The following WDFY1 variants were observed in gnomAD, a reference collection of about 807,000 sequenced individuals.
The protein encoded by WDFY1 is WD repeat and FYVE domain containing 1, also known as WD repeat and FYVE domain-containing protein 1.
A neutral mutation model predicts 56.4 loss-of-function variants in WDFY1; 32 were observed. That is an observed-to-expected ratio of 0.57 (90% CI 0.43 to 0.76). The LOEUF (loss-of-function observed/expected upper bound fraction) is 0.76. Ranked by LOEUF, WDFY1 falls within the 30% of genes least tolerant of loss-of-function variation. WDFY1 has a pLI of 0.00. For synonymous variants in WDFY1, 192 were observed against 197.3 expected (o/e 0.97, Z 0.23); for missense variants, 480 against 545.7 (o/e 0.88, Z 1.20).
chr2:223,913,993 C>CTTTTT lies in WDFY1; in HGVS notation c.206-1672_206-1668dup, dbSNP rs386392770. Among the ~76,000 whole-genome samples, 500 of 88,128 alleles carry CTTTTT rather than the reference C, an allele frequency of 5.7e-3. 24 individuals carry two copies. The highest frequency in any genetic ancestry group is 7.2e-3 in the African/African-American group (154 of 21,424). The allele number at this position is 88,128 out of a possible 152,430, so 57.8% of individuals were successfully genotyped here. On this transcript the variant is annotated intron_variant, in intron 2 of 11. Coordinates refer to ENST00000233055, the MANE Select transcript of WDFY1 (RefSeq NM_020830.5). ...AGGAATCATCTTTCAAATCAGTTAG[C>CTTTTT]TTTTTTTTTTTTTTTTTTTTTTTGA...
At chr2:223,888,418 A>G (rs648667) in intron 8 of WDFY1, among the ~76,000 whole-genome samples, 141,307 of 152,138 alleles carry the variant, frequency 0.93, 65,701 homozygotes, top group South Asian at 0.96. Context: ...CATTTGAATT[A>G]TGTTTCAATT....
Position 223,878,696 on chromosome 2 carries a change from A to G in WDFY1, c.1208T>C (p.Leu403Pro). The change falls in exon 12 of 12, where the codon CTG becomes CCG. Residue 403 changes from leucine to proline, a missense_variant. Transcript: ENST00000233055. The stretch of plus-strand genomic sequence containing the variant: ...TCAGTGCGGAGAAAACCCAGTCGCC[A>G]GACTGCAGCCCACCACAGGTGTCAT... The part of the protein sequence containing the change: ...WDMTPVVGCS[L>P]ATGFSPH The G allele has an allele frequency of 1.2e-6, 2 of 1,614,152 alleles. No homozygotes were observed. Among genetic ancestry groups the G allele is most frequent in the South Asian group, 2.2e-5 (2 of 91,088 alleles).
intron 6 of WDFY1, among the ~76,000 whole-genome samples, chr2:223,897,996 CT>C (rs1693427941): frequency 6.6e-6 from 1 of 152,174 alleles, no homozygotes. Context: ...AATTAAACCT[CT>C]TTTCTTTATA....
chr2:223,921,749 C>T (rs1204809970), intron 1 of WDFY1, among the ~76,000 whole-genome samples: 1 of 152,180 alleles, frequency 6.6e-6, no homozygotes, highest in Non-Finnish European at 1.5e-5. Flanking sequence ...TACCACCACA[C>T]CTGGCTGTTG....
intron 2 of WDFY1, among the ~76,000 whole-genome samples, chr2:223,913,336 A>G (rs2106089746): frequency 6.6e-6 from 1 of 152,308 alleles, no homozygotes; most frequent in South Asian, 2.1e-4. Context: ...AAACTATAAT[A>G]CTGGATCGTA....
intron 6 of WDFY1, among the ~76,000 whole-genome samples, chr2:223,896,184 C>A (rs1370323165): frequency 4.6e-3 from 245 of 53,612 alleles, no homozygotes; most frequent in African/African-American, 5.2e-3. Flanking sequence ...AAAAAAAAAA[C>A]TGCTTGTAAT....
intron 4 of WDFY1, among the ~76,000 whole-genome samples, chr2:223,901,664 T>C (rs1285177084): frequency 7.2e-5 from 11 of 152,098 alleles, no homozygotes; most frequent in Non-Finnish European, 1.6e-4. Context: ...AGAGAACATT[T>C]TTACTTTGCT....
chr2:223,929,481 C>T (rs1694040849), intron 1 of WDFY1, among the ~76,000 whole-genome samples: 1 of 152,122 alleles, frequency 6.6e-6, no homozygotes. Flanking sequence ...AGCCACCGTG[C>T]CCAGCCTCCT....
At chr2:223,917,836 T>C (rs1473775577) in intron 2 of WDFY1, 107 bp downstream of exon 2, 3 of 1,337,128 alleles carry the variant, frequency 2.2e-6, no homozygotes, top group Non-Finnish European at 1.0e-6. Flanking sequence ...CCTCTCAAAG[T>C]GCTGGGATTA....
intron 1 of WDFY1, among the ~76,000 whole-genome samples, chr2:223,935,771 T>C (rs928872813): frequency 1.3e-5 from 2 of 152,240 alleles, no homozygotes; most frequent in East Asian, 1.9e-4. Flanking sequence ...ACTAGGAGTG[T>C]TGAAGGAAGC....
At chr2:223,930,612 G>C (rs1057212121) in intron 1 of WDFY1, among the ~76,000 whole-genome samples, 1 of 152,162 alleles carries the variant, frequency 6.6e-6, no homozygotes, top group Non-Finnish European at 1.5e-5. Flanking sequence ...GCCGTGCCTT[G>C]CCTATTTCTC....
Position 223,918,012 on chromosome 2 carries a change from TG to T in WDFY1, c.138-3del. The T allele has an allele frequency of 6.2e-7, 1 of 1,613,486 alleles. No individual in the cohort carries two copies. Among genetic ancestry groups the T allele is most frequent in the Non-Finnish European group, 8.5e-7 (1 of 1,179,868 alleles). On this transcript the variant is annotated splice_polypyrimidine_tract_variant and splice_region_variant and intron_variant, in intron 1 of 11. Transcript: ENST00000233055. ...CTTTTCAGCCATACCCGGATGGTTC[TG>T]TGGAGAAAAGAAAAGAAAAAATAGA... is the stretch of plus-strand genomic sequence containing the variant.
At chr2:223,884,840 G>T in intron 8 of WDFY1, 91 bp from the exon 9 acceptor site, 1 of 1,114,922 alleles carries the variant, frequency 9.0e-7, no homozygotes. Flanking sequence ...ACCTTGCCAA[G>T]GTTAGTATTT....
At chr2:223,904,006 T>C (rs1693555956) in intron 4 of WDFY1, among the ~76,000 whole-genome samples, 1 of 152,172 alleles carries the variant, frequency 6.6e-6, no homozygotes, top group Admixed American at 6.5e-5. Flanking sequence ...TTTAAAGGTC[T>C]CCAAACTCGT....
chr2:223,937,343 G>C lies in WDFY1; in HGVS notation c.137+7805C>G, dbSNP rs534690628. 3.9e-5 allele frequency among the ~76,000 whole-genome samples: 6 copies of C among 152,252 alleles called. No homozygotes were observed. In the East Asian group the frequency reaches 1.2e-3, roughly 29 times the overall value. On this transcript the variant is annotated intron_variant, in intron 1 of 11. Coordinates refer to ENST00000233055, the MANE Select transcript of WDFY1 (RefSeq NM_020830.5). ...ATTAAAGTAACAAAATGCAAAATAA[G>C]TGGAAATGAAAATAATAATAGCTAA...
At chr2:223,942,554 A>G in intron 1 of WDFY1, among the ~76,000 whole-genome samples, 1 of 24,508 alleles carries the variant, frequency 4.1e-5, no homozygotes, top group Admixed American at 5.2e-4. Context: ...TTTGAGACGG[A>G]GTCTCGCTCT....
intron 6 of WDFY1, among the ~76,000 whole-genome samples, chr2:223,897,388 A>ATTTT (rs1474375997): frequency 6.1e-4 from 76 of 125,068 alleles, no homozygotes; most frequent in African/African-American, 1.3e-3. Context: ...ATATATATAT[A>ATTTT]TATTTTTTAA....
At chr2:223,881,552 G>C (rs569756038) in intron 10 of WDFY1, among the ~76,000 whole-genome samples, 1 of 152,314 alleles carries the variant, frequency 6.6e-6, no homozygotes, top group Non-Finnish European at 1.5e-5. Context: ...CACTTTGAGA[G>C]GCCAAGGTGG....
chr2:223,931,282 A>C (rs535649820), intron 1 of WDFY1, among the ~76,000 whole-genome samples: 2 of 152,236 alleles, frequency 1.3e-5, no homozygotes, highest in Non-Finnish European at 2.9e-5. Context: ...TTACTCTTAA[A>C]TATCATATAG....
Sources: gnomAD v4.1 joint callset for allele counts (sites outside exome capture counted in the v4.1 genomes callset) on GRCh38, gnomAD v4.1.1 for gene constraint, MANE v1.5 for transcripts, NCBI Gene and HGNC (gene_info 2026-07-23, HGNC 2026-07-21) for gene names.